The following NKAIN2 variants were observed in gnomAD, a reference collection of about 807,000 sequenced individuals.
NKAIN2 encodes the protein sodium/potassium-transporting ATPase subunit beta-1-interacting protein 2.
NKAIN2 carries 14 observed loss-of-function variants against 32.6 expected under a neutral mutation model. That is an observed-to-expected ratio of 0.43 (90% CI 0.28 to 0.67). The LOEUF (loss-of-function observed/expected upper bound fraction) is 0.67. Among genes scored for constraint, NKAIN2 ranks in the 30% least tolerant of loss-of-function variants. The probability of loss-of-function intolerance (pLI) is 0.17; values close to 1 mark genes in which losing one functional copy is unlikely to be tolerated. For synonymous variants in NKAIN2, 80 were observed against 87.2 expected, an observed-to-expected ratio of 0.92 and a Z score of 0.46; for missense variants, 198 against 258.3, an observed-to-expected ratio of 0.77 and a Z score of 1.60.
At chr6:124,232,202 C>G (rs1289201901) in intron 1 of NKAIN2, among the ~76,000 whole-genome samples, 2 of 152,166 alleles carry the variant, frequency 1.3e-5, no homozygotes, top group African/African-American at 4.8e-5. Context: ...TGACCCAGCT[C>G]ATTCTCTGGG....
chr6:123,967,809 C>T (rs2114628298), intron 1 of NKAIN2, among the ~76,000 whole-genome samples: 1 of 152,222 alleles, frequency 6.6e-6, no homozygotes, highest in Admixed American at 6.5e-5. Context: ...TTTTCTCCTT[C>T]TTTGTTCCTC....
At chr6:124,532,213 C>T (rs986801140) in intron 3 of NKAIN2, among the ~76,000 whole-genome samples, 1 of 152,278 alleles carries the variant, frequency 6.6e-6, no homozygotes, top group East Asian at 1.9e-4. Flanking sequence ...AACTTTTACA[C>T]CCTGTTAGCA....
chr6:124,181,088 C>T (rs1461804146), intron 1 of NKAIN2, among the ~76,000 whole-genome samples: 1 of 152,180 alleles, frequency 6.6e-6, no homozygotes, highest in Non-Finnish European at 1.5e-5. Context: ...CAGAGGTTCC[C>T]AAACCTCAAT....
intron 1 of NKAIN2, among the ~76,000 whole-genome samples, chr6:123,885,132 G>A (rs375853301): frequency 6.0e-4 from 92 of 152,154 alleles, no homozygotes; most frequent in Admixed American, 1.0e-3. Context: ...TAATCATTTA[G>A]CAATGTATTA....
At chr6:123,916,589 A>G (rs949563996) in intron 1 of NKAIN2, among the ~76,000 whole-genome samples, 3 of 152,110 alleles carry the variant, frequency 2.0e-5, no homozygotes, top group African/African-American at 7.2e-5. Flanking sequence ...GGGAACATGA[A>G]TGTAAGATGC....
intron 4 of NKAIN2, among the ~76,000 whole-genome samples, chr6:124,691,945 T>C (rs1350425866): frequency 2.6e-5 from 4 of 152,220 alleles, no homozygotes; most frequent in Non-Finnish European, 5.9e-5. Flanking sequence ...CCTGTGTCAG[T>C]ACACTGTGAT....
At chr6:124,097,947 T>C (rs1784712652) in intron 1 of NKAIN2, among the ~76,000 whole-genome samples, 1 of 152,026 alleles carries the variant, frequency 6.6e-6, no homozygotes, top group African/African-American at 2.4e-5. Context: ...TTTAGCAGTA[T>C]CTCCATCTGG....
chr6:124,018,246 G>A (rs1231400389), intron 1 of NKAIN2, among the ~76,000 whole-genome samples: 8 of 152,200 alleles, frequency 5.3e-5, no homozygotes, highest in Admixed American at 1.3e-4. Flanking sequence ...GCTGCACAAA[G>A]TAGGGGGTTA....
At chr6:124,806,113 C>T (rs1350354675) in intron 5 of NKAIN2, among the ~76,000 whole-genome samples, 1 of 152,040 alleles carries the variant, frequency 6.6e-6, no homozygotes, top group Non-Finnish European at 1.5e-5. Context: ...GGCAGGCCAA[C>T]GTTCAGATTC....
chr6:124,202,466 C>T (rs1021810921), intron 1 of NKAIN2, among the ~76,000 whole-genome samples: 1 of 150,546 alleles, frequency 6.6e-6, no homozygotes, highest in African/African-American at 2.5e-5. Context: ...AATATACATT[C>T]ATTCAACTGT....
intron 3 of NKAIN2, among the ~76,000 whole-genome samples, chr6:124,476,818 C>T (rs1057135825): frequency 2.6e-5 from 4 of 152,086 alleles, no homozygotes; most frequent in Non-Finnish European, 2.9e-5. Context: ...ATACATGTGA[C>T]ATTGAGGCAC....
intron 1 of NKAIN2, among the ~76,000 whole-genome samples, chr6:124,214,805 A>G (rs1442617658): frequency 6.6e-6 from 1 of 152,230 alleles, no homozygotes; most frequent in East Asian, 1.9e-4. Flanking sequence ...AGTCTTTTCA[A>G]AGAATGATCT....
intron 1 of NKAIN2, among the ~76,000 whole-genome samples, chr6:123,998,007 C>T (rs1004039505): frequency 2.0e-5 from 3 of 152,156 alleles, no homozygotes; most frequent in Non-Finnish European, 4.4e-5. Flanking sequence ...AGTCCTTCAT[C>T]TCATTTCCCT....
chr6:124,344,624 C>T (rs1798309601), intron 2 of NKAIN2, among the ~76,000 whole-genome samples: 1 of 151,980 alleles, frequency 6.6e-6, no homozygotes. Context: ...CATGATTTGG[C>T]TCTCTGTTTG....
chr6:124,043,994 TC>T (rs1363298537), intron 1 of NKAIN2, among the ~76,000 whole-genome samples: 1 of 152,030 alleles, frequency 6.6e-6, no homozygotes, highest in Non-Finnish European at 1.5e-5. Flanking sequence ...AGACAAGTAT[TC>T]CAGACCTAAA....
chr6:124,252,369 C>A (rs1052071878), intron 1 of NKAIN2, among the ~76,000 whole-genome samples: 1 of 151,866 alleles, frequency 6.6e-6, no homozygotes, highest in Admixed American at 6.6e-5. Context: ...ATGTGTTTAG[C>A]GATACAGACA....
At chr6:124,236,487 A>G (rs907840187) in intron 1 of NKAIN2, among the ~76,000 whole-genome samples, 2 of 152,182 alleles carry the variant, frequency 1.3e-5, no homozygotes, top group Admixed American at 1.3e-4. Context: ...GAGTATGGAT[A>G]GCACTGAATT....
chr6:124,817,993 TTATTTA>T (rs953229523), intron 5 of NKAIN2, among the ~76,000 whole-genome samples: 7 of 147,238 alleles, frequency 4.8e-5, no homozygotes, highest in African/African-American at 1.6e-4. Flanking sequence ...TGAGTGGTCA[TTATTTA>T]TATTTATATG....
At chr6:123,887,753 G>A (rs1435405692) in intron 1 of NKAIN2, among the ~76,000 whole-genome samples, 1 of 152,060 alleles carries the variant, frequency 6.6e-6, no homozygotes, top group African/African-American at 2.4e-5. Context: ...TGTAGTTAGT[G>A]ACAAAATTAG....
Sources: gnomAD v4.1 joint callset for allele counts (sites outside exome capture counted in the v4.1 genomes callset) on GRCh38, gnomAD v4.1.1 for gene constraint, MANE v1.5 for transcripts, NCBI Gene and HGNC (gene_info 2026-07-23, HGNC 2026-07-21) for gene names.